The following KCNH2 variants were observed in gnomAD, a reference collection of about 807,000 sequenced individuals.
KCNH2 encodes the protein potassium voltage-gated channel subfamily H member 2.
In KCNH2, 35 loss-of-function variants were observed where a neutral mutation model predicts 95.9. The ratio of observed to expected loss-of-function variants is 0.37; its 90% CI spans 0.28 to 0.48. The LOEUF is 0.48. Ranked by LOEUF, KCNH2 falls within the 20% of genes least tolerant of loss-of-function variation. KCNH2 has a pLI of 0.99. For missense variants in KCNH2, 1,274 were observed against 1,702.9 expected, an observed-to-expected ratio of 0.75 and a Z score of 4.43; for synonymous variants, 786 against 754.7, an observed-to-expected ratio of 1.04 and a Z score of -0.68.
At chr7:150,969,400 G>A (rs1801781434) in intron 2 of KCNH2, among the ~76,000 whole-genome samples, 1 of 152,188 alleles carries the variant, frequency 6.6e-6, no homozygotes, top group Admixed American at 6.5e-5. Flanking sequence ...CACCTCAGCT[G>A]TGCTCTCTGT....
rs571386509 is a variant in KCNH2, at chr7:150,949,839, C to T, written c.2398+329G>A. 29 of 1,271,124 alleles carry T rather than the reference C, an allele frequency of 2.3e-5. No homozygotes were observed. In the African/African-American group the frequency reaches 3.1e-4, roughly 13 times the overall value. The allele number at this position is 1,271,124 out of a possible 1,614,324, so 78.7% of individuals were successfully genotyped here. On this transcript the variant is annotated intron_variant, in intron 9 of 14. Transcript: ENST00000262186. ...CATGGCCCTTAGTGAAACCAAATGCCGAGCTTCCAGGCTAGCATTTCTTCC... is the reference window on the plus strand; with the variant it reads ...CATGGCCCTTAGTGAAACCAAATGCTGAGCTTCCAGGCTAGCATTTCTTCC...
At chr7:150,957,622 A>G in intron 4 of KCNH2, 120 bp from the exon 5 acceptor site, 2 of 763,894 alleles carry the variant, frequency 2.6e-6, no homozygotes, top group Non-Finnish European at 4.6e-6. Context: ...GGTCAGCTCA[A>G]GAGACCAGGG....
Position 150,962,334 on chromosome 7 carries a change from G to A in KCNH2, c.308-2598C>T, listed in dbSNP as rs887873468. On this transcript the variant is annotated intron_variant, in intron 2 of 14. Coordinates refer to ENST00000262186, the MANE Select transcript of KCNH2 (RefSeq NM_000238.4). The surrounding 1 kb of genome is among the most constrained non-coding windows in gnomAD (Gnocchi z 5.7). ...GCCCTCGAACCTAAGTCCTCCACCAGGGAGCTTGCCTCAGAGAAGTCTAGA... is the reference window on the plus strand; with the variant it reads ...GCCCTCGAACCTAAGTCCTCCACCAAGGAGCTTGCCTCAGAGAAGTCTAGA... Among the ~76,000 whole-genome samples, 2 of 152,150 alleles carry A rather than the reference G, an allele frequency of 1.3e-5. No homozygotes were observed. The highest frequency in any genetic ancestry group is 2.4e-5 in the African/African-American group (1 of 41,442).
chr7:150,950,109 C>A, intron 9 of KCNH2, 59 bp downstream of exon 9: 2 of 1,611,668 alleles, frequency 1.2e-6, no homozygotes, highest in Non-Finnish European at 1.7e-6. Context: ...TCAGAAGGCT[C>A]GCACCTCTTG....
Position 150,977,845 on chromosome 7 carries a change from C to A in KCNH2, c.69G>T (p.Glu23Asp). 1 of 1,603,886 alleles carries A rather than the reference C, an allele frequency of 6.2e-7. No homozygotes were observed. Among genetic ancestry groups the A allele is most frequent in the South Asian group, 1.1e-5 (1 of 89,890 alleles). Residue 23 changes from glutamate (E) to aspartate (D), a missense_variant, in exon 1 of 15, where the codon GAG (glutamate) becomes GAT (aspartate). Around this residue, in one of 7 missense-constraint regions of KCNH2, gnomAD observed 85 missense variants for 174.7 expected, o/e 0.49. Coordinates refer to ENST00000262186, the MANE Select transcript of KCNH2 (RefSeq NM_000238.4). ...GCCCCCTCCCCCACTCACTCTGGCC[C>A]TCAAACTTGCGGATGATGGTGTCCA... ...TFLDTIIRKF[E>D]GQSRKFIIAN...
chr7:150,948,426 T>TCCCCTCCCC lies in KCNH2; in HGVS notation c.2692+9_2692+17dup. On this transcript the variant is annotated intron_variant, in intron 11 of 14. Coordinates refer to ENST00000262186, the MANE Select transcript of KCNH2 (RefSeq NM_000238.4). ...ACCTTGTCCCCGCCCTCCCCCTTCC[T>TCCCCTCCCC]CCCCTCCCCCGCCTCACCCTTGTCC... 1.7e-6 allele frequency: 1 copy of TCCCCTCCCC among 600,282 alleles called. No individual in the cohort carries two copies. Among genetic ancestry groups the TCCCCTCCCC allele is most frequent in the Non-Finnish European group, 2.6e-6 (1 of 389,780 alleles). 37.2% of individuals were successfully genotyped at this position (600,282 alleles called of 1,614,324 possible).
chr7:150,948,680 G>T, intron 10 of KCNH2, 137 bp from the exon 11 acceptor site: 1 of 1,083,712 alleles, frequency 9.2e-7, no homozygotes, highest in Non-Finnish European at 1.4e-6. Flanking sequence ...TGCCCCCAAT[G>T]TGATTTTGCC....
At chr7:150,974,652 G>T in intron 2 of KCNH2, 59 bp downstream of exon 2, 1 of 378,236 alleles carries the variant, frequency 2.6e-6, no homozygotes, top group Non-Finnish European at 4.5e-6. Flanking sequence ...GCCCCTCGCC[G>T]TGGTCCCGCC....
At chr7:150,964,040 C>T (rs939330935) in intron 2 of KCNH2, among the ~76,000 whole-genome samples, 1 of 152,242 alleles carries the variant, frequency 6.6e-6, no homozygotes, top group Non-Finnish European at 1.5e-5. Flanking sequence ...AGGTCAGGGG[C>T]TCCACCCAAT....
At chr7:150,949,818 G>A in intron 9 of KCNH2, 3 of 1,242,204 alleles carry the variant, frequency 2.4e-6, no homozygotes, top group Non-Finnish European at 2.1e-6. Flanking sequence ...GAACCACATG[G>A]CCCTTAGTGA....
intron 4 of KCNH2, 59 bp from the exon 5 acceptor site, chr7:150,957,561 AC>A: frequency 7.5e-7 from 1 of 1,327,232 alleles, no homozygotes; most frequent in Non-Finnish European, 1.1e-6. Context: ...CAGGCAGGCC[AC>A]CCATAGATCG....
rs1801579815 is a variant in KCNH2, at chr7:150,962,054, C to T, written c.308-2318G>A. 6.6e-6 allele frequency among the ~76,000 whole-genome samples: 1 copy of T among 152,236 alleles called. No individual in the cohort carries two copies. The highest frequency in any genetic ancestry group is 2.4e-5 in the African/African-American group (1 of 41,470). ...GCTCTGGGGCTCTGTCTGGGTCTCC[C>T]TGCAGCAGCCACTCTTGTCCCCTGA... is the stretch of plus-strand genomic sequence containing the variant. On this transcript the variant is annotated intron_variant, in intron 2 of 14. Coordinates refer to ENST00000262186, the MANE Select transcript of KCNH2 (RefSeq NM_000238.4). The surrounding 1 kb of genome is among the most constrained non-coding windows in gnomAD (Gnocchi z 5.7).
In KCNH2 at chr7:150,946,953, C is replaced by T; in HGVS notation, c.3254G>A (p.Gly1085Glu). The change falls in exon 14 of 15, where the codon GGG becomes GAG. Residue 1085 changes from glycine (G) to glutamate (E), a missense_variant. Transcript: ENST00000262186. This position sits in a 1 kb window ranked among gnomAD's most constrained non-coding sequence, Gnocchi z 6.5. ...PPAYSAVTTP[G>E]PGPTSTSPLL... ...CGGGGATGTGGAAGTGGGGCCAGGC[C>T]CCGGGGTGGTCACAGCACTGTAGGC... 1 of 1,606,242 alleles carries T rather than the reference C, an allele frequency of 6.2e-7. No individual in the cohort carries two copies. The highest frequency in any genetic ancestry group is 8.5e-7 in the Non-Finnish European group (1 of 1,174,886).
intron 7 of KCNH2, 65 bp from the exon 8 acceptor site, chr7:150,951,185 G>A (rs1032073874): frequency 2.4e-5 from 33 of 1,384,734 alleles, no homozygotes; most frequent in Non-Finnish European, 3.2e-5. Context: ...CAGGGACCCT[G>A]CTCAGGCCCC....
rs1026712756 is a variant in KCNH2 at position 150,945,142 on chromosome 7, G to C, written c.*223C>G. 1.9e-5 allele frequency: 11 copies of C among 592,376 alleles called. No individual in the cohort carries two copies. The highest frequency in any genetic ancestry group is 1.9e-4 in the African/African-American group (10 of 53,874). The allele number at this position is 592,376 out of a possible 1,614,324, so 36.7% of individuals were successfully genotyped here. On this transcript the variant is annotated 3_prime_UTR_variant, in exon 15 of 15. Transcript: ENST00000262186. This position sits in a 1 kb window ranked among gnomAD's most constrained non-coding sequence, Gnocchi z 5.6. ...ACCAGCTAATGCCCTCAGGGCAGTG[G>C]GGGGACCACAGGCCCCACCTACTGC...
At chr7:150,973,597 A>G (rs1801894071) in intron 2 of KCNH2, among the ~76,000 whole-genome samples, 1 of 152,220 alleles carries the variant, frequency 6.6e-6, no homozygotes, top group South Asian at 2.1e-4. Flanking sequence ...TGCAGGGACC[A>G]TGCCCCCTCT....
At chr7:150,975,899 G>T (rs1220515095) in intron 1 of KCNH2, among the ~76,000 whole-genome samples, 1 of 152,198 alleles carries the variant, frequency 6.6e-6, no homozygotes, top group African/African-American at 2.4e-5. Flanking sequence ...CAAGAAAGGG[G>T]ACCTGCCCAG....
intron 1 of KCNH2, among the ~76,000 whole-genome samples, chr7:150,976,827 T>C (rs559975944): frequency 5.6e-4 from 78 of 139,568 alleles, no homozygotes; most frequent in African/African-American, 2.1e-3. Context: ...ACCAGTGTCA[T>C]TGTCTCCACC....
intron 7 of KCNH2, 125 bp downstream of exon 7, chr7:150,951,323 A>G: frequency 2.4e-6 from 3 of 1,267,846 alleles, no homozygotes; most frequent in Non-Finnish European, 3.4e-6. Flanking sequence ...CCATGTCACG[A>G]TGGTGGCCCC....
Sources: gnomAD v4.1 joint callset for allele counts (sites outside exome capture counted in the v4.1 genomes callset) on GRCh38, gnomAD v4.1.1 for gene constraint, gnomAD v4.1.1 regional missense constraint, Gnocchi (gnomAD v3.1) non-coding constraint, MANE v1.5 for transcripts, NCBI Gene and HGNC (gene_info 2026-07-23, HGNC 2026-07-21) for gene names.